The following MDN1 variants were observed in gnomAD, a reference collection of about 807,000 sequenced individuals.
The protein encoded by MDN1 is midasin AAA ATPase 1.
MDN1 carries 266 observed loss-of-function variants against 669.2 expected under a neutral mutation model. The observed-to-expected ratio is 0.40, with a 90% CI of 0.36 to 0.44. MDN1 has a LOEUF of 0.44. Ranked by LOEUF, MDN1 falls within the 20% of genes least tolerant of loss-of-function variation. The pLI, the probability that MDN1 is intolerant of heterozygous loss-of-function variation, is 1.00. For missense variants in MDN1, 5,940 were observed against 6,754.0 expected (o/e 0.88, Z 4.22); for synonymous variants, 2,385 against 2,457.1 (o/e 0.97, Z 0.87).
chr6:89,718,232 G>T, intron 43 of MDN1, 134 bp downstream of exon 43: 1 of 1,023,710 alleles, frequency 9.8e-7, no homozygotes, highest in Non-Finnish European at 1.4e-6. Context: ...TTACTTTCTA[G>T]GTCAAACTTT....
chr6:89,738,881 C>T (rs1816141355), intron 32 of MDN1, among the ~76,000 whole-genome samples: 1 of 152,200 alleles, frequency 6.6e-6, no homozygotes, highest in East Asian at 1.9e-4. Context: ...ACTTCTTTTA[C>T]ATAGCTCAAT....
At position 89,788,977 on chromosome 6, in the gene MDN1, A is replaced by G. The variant is rs548673740; in HGVS notation, c.1230+803T>C. Among the ~76,000 whole-genome samples, 92 of 152,166 alleles carry G rather than the reference A, an allele frequency of 6.0e-4. No homozygotes were observed. The South Asian group carries it at 0.015, about 25-fold the overall frequency. On this transcript the variant is annotated intron_variant, in intron 7 of 101. Transcript: ENST00000369393. Reference sequence around the variant, plus strand: ...CGTCTCTACTAAAAATACAAAAATTAGCCGGCCATGGTGGCACATGCCTGT... The same window carrying G: ...CGTCTCTACTAAAAATACAAAAATTGGCCGGCCATGGTGGCACATGCCTGT...
chr6:89,753,753 T>C (rs1377441466), intron 21 of MDN1, 131 bp from the exon 22 acceptor site: 2 of 781,202 alleles, frequency 2.6e-6, no homozygotes, highest in African/African-American at 1.7e-5. Flanking sequence ...AGGTGGTAGA[T>C]AAAGGGAAGG....
chr6:89,658,994 G>C, intron 88 of MDN1, 77 bp from the exon 89 acceptor site: 1 of 1,384,258 alleles, frequency 7.2e-7, no homozygotes, highest in Non-Finnish European at 9.8e-7. Context: ...AGCTACTTAT[G>C]CAAGTTTTGT....
Position 89,780,250 on chromosome 6 carries a change from T to G in MDN1, c.1687A>C (p.Ser563Arg). 1 of 1,588,172 alleles carries G rather than the reference T, an allele frequency of 6.3e-7. No individual in the cohort carries two copies. The highest frequency in any genetic ancestry group is 1.2e-5 in the South Asian group (1 of 84,760). The change falls in exon 11 of 102, where the codon AGT becomes CGT. Residue 563 changes from serine (S) to arginine (R), a missense_variant. This residue lies in a region of MDN1 where 1,203 missense variants were observed against 1,268.9 expected (regional missense o/e 0.95). Coordinates refer to ENST00000369393, the MANE Select transcript of MDN1 (RefSeq NM_014611.3). ...WCNRIAHSFDSSSLSASLNIF... is the reference protein window; with the variant it reads ...WCNRIAHSFDRSSLSASLNIF... ...TTTAATGATGCTGATAAAGATGAAC[T>G]GTCAAAGCTATGGGCAATCCTATTA...
intron 1 of MDN1, among the ~76,000 whole-genome samples, chr6:89,806,361 G>C (rs1018381445): frequency 6.6e-6 from 1 of 152,050 alleles, no homozygotes; most frequent in East Asian, 1.9e-4. Flanking sequence ...CCAGGAGTTC[G>C]AGACCAACCT....
chr6:89,796,988 A>G (rs918505030), intron 2 of MDN1, among the ~76,000 whole-genome samples: 4 of 152,128 alleles, frequency 2.6e-5, no homozygotes, highest in African/African-American at 9.7e-5. Context: ...GAATCGCTTG[A>G]ACCTGGGAGG....
chr6:89,687,106 A>C, intron 68 of MDN1, 83 bp from the exon 69 acceptor site: 1 of 1,562,384 alleles, frequency 6.4e-7, no homozygotes, highest in Non-Finnish European at 8.7e-7. Flanking sequence ...CTACATGCTC[A>C]CATTTCTCTC....
chr6:89,679,623 A>G (rs1811460777), intron 74 of MDN1, among the ~76,000 whole-genome samples: 1 of 152,236 alleles, frequency 6.6e-6, no homozygotes, highest in Non-Finnish European at 1.5e-5. Flanking sequence ...TGACCACGGG[A>G]GGACACAGTG....
At position 89,646,556 on chromosome 6, in the gene MDN1, C is replaced by T. The variant is rs375419888; in HGVS notation, c.16443G>A (p.Ser5481=). Residue 5481 remains serine, a synonymous_variant, in exon 100 of 102, where the codon TCG becomes TCA. Coordinates refer to ENST00000369393, the MANE Select transcript of MDN1 (RefSeq NM_014611.3). ...GCAGCTCACCTGAACTGATGTTCTG[C>T]GAGAGCTGCTGAGCAGCTGCAAACA... ...ANMFAAAQQL[S]QNISSETAQL... is the part of the protein sequence containing the mutation. 48 of 1,613,888 alleles carry T rather than the reference C, an allele frequency of 3.0e-5. No individual in the cohort carries two copies. Among genetic ancestry groups the T allele is most frequent in the Non-Finnish European group, 3.7e-5 (44 of 1,179,926 alleles).
intron 14 of MDN1, 144 bp downstream of exon 14, chr6:89,772,429 A>G (rs1215338971): frequency 1.3e-6 from 1 of 756,796 alleles, no homozygotes; most frequent in East Asian, 2.6e-5. Flanking sequence ...ATCTATTAAC[A>G]GTAGTTATTT....
intron 37 of MDN1, 101 bp downstream of exon 37, chr6:89,727,732 G>C: frequency 6.4e-7 from 1 of 1,562,988 alleles, no homozygotes; most frequent in Non-Finnish European, 8.8e-7. Context: ...TCATCAGCGG[G>C]ATCTTCCACT....
At position 89,686,997 on chromosome 6, in the gene MDN1, G is replaced by A. The variant is rs1321703846; in HGVS notation, c.11477C>T (p.Thr3826Ile). 1.2e-6 allele frequency: 2 copies of A among 1,603,848 alleles called. No individual in the cohort carries two copies. The highest frequency in any genetic ancestry group is 1.7e-6 in the Non-Finnish European group (2 of 1,174,990). Residue 3826 changes from threonine (T) to isoleucine (I), a missense_variant, in exon 69 of 102, where the codon ACT (threonine) becomes ATT (isoleucine). By Grantham distance (89) the Thr-to-Ile change is moderately conservative. Transcript: ENST00000369393. ...GGATTTCTCGGTGTGGCGCTTCATA[G>A]TATTATCCAAACTCATGGACCAGCA... is the stretch of plus-strand genomic sequence containing the variant. ...LNCWSMSLDN[T>I]MKRHTEKSTK... is the part of the protein sequence containing the mutation.
chr6:89,692,352 C>T (rs773016880), intron 63 of MDN1, 91 bp downstream of exon 63: 2 of 1,122,580 alleles, frequency 1.8e-6, no homozygotes, highest in Non-Finnish European at 2.5e-6. Flanking sequence ...TGTGTATCTA[C>T]TAGGCATGCT....
At chr6:89,800,171 T>A in intron 2 of MDN1, among the ~76,000 whole-genome samples, 1 of 151,454 alleles carries the variant, frequency 6.6e-6, no homozygotes, top group South Asian at 2.1e-4. Flanking sequence ...CTCACACCTG[T>A]AATCCCAGGA....
intron 62 of MDN1, among the ~76,000 whole-genome samples, chr6:89,693,679 T>C (rs1394373141): frequency 1.3e-5 from 2 of 152,014 alleles, no homozygotes; most frequent in African/African-American, 4.8e-5. Flanking sequence ...TATTCCAAAA[T>C]CTGAAGAAAA....
At chr6:89,655,461 G>T (rs1809188856) in intron 92 of MDN1, among the ~76,000 whole-genome samples, 1 of 152,156 alleles carries the variant, frequency 6.6e-6, no homozygotes, top group Non-Finnish European at 1.5e-5. Flanking sequence ...GATATTTAAA[G>T]AGTTTATACT....
At chr6:89,688,847 T>C (rs780466555) in intron 65 of MDN1, 39 bp from the exon 66 acceptor site, 1 of 1,515,848 alleles carries the variant, frequency 6.6e-7, no homozygotes, top group Non-Finnish European at 9.1e-7. Flanking sequence ...GTGAATTCAG[T>C]AAGTTGATCT....
intron 27 of MDN1, 22 bp downstream of exon 27, chr6:89,747,307 G>A (rs751718362): frequency 1.2e-6 from 2 of 1,605,076 alleles, no homozygotes; most frequent in South Asian, 2.2e-5. Context: ...TATATATTGA[G>A]AGCATTTGAT....
Sources: allele counts gnomAD v4.1 joint callset (sites outside exome capture counted in the v4.1 genomes callset), GRCh38; gene constraint gnomAD v4.1.1; regional missense constraint gnomAD v4.1.1; transcripts MANE v1.5; gene names NCBI Gene and HGNC (gene_info 2026-07-23, HGNC 2026-07-21).